The following TMEM117 variants were observed in gnomAD, a reference collection of about 807,000 sequenced individuals.
TMEM117 encodes transmembrane protein 117.
Under a neutral mutation model 52.4 loss-of-function variants are expected in TMEM117, and 27 were observed. The ratio of observed to expected loss-of-function variants is 0.51; its 90% CI spans 0.38 to 0.71. The LOEUF is 0.71. Among genes scored for constraint, TMEM117 ranks in the 30% least tolerant of loss-of-function variants. The pLI is 0.00. For synonymous variants in TMEM117, 215 were observed against 206.3 expected (o/e 1.04, Z -0.36); for missense variants, 556 against 630.5 (o/e 0.88, Z 1.26).
intron 2 of TMEM117, among the ~76,000 whole-genome samples, chr12:43,911,815 T>A (rs1158805737): frequency 1.3e-5 from 1 of 77,826 alleles, no homozygotes; most frequent in African/African-American, 2.9e-5. Flanking sequence ...TCACACCAGT[T>A]AGAATGGCAA....
At chr12:43,815,705 C>T in the TMEM117 span, among the ~76,000 whole-genome samples, 1 of 152,238 alleles carries the variant, frequency 6.6e-6, no homozygotes, top group South Asian at 2.1e-4. Context: ...GCTGCCTTTT[C>T]ACGTATGCTG....
intron 7 of TMEM117, among the ~76,000 whole-genome samples, chr12:44,380,537 A>G (rs1220375563): frequency 6.6e-6 from 1 of 152,162 alleles, no homozygotes; most frequent in African/African-American, 2.4e-5. Flanking sequence ...GGTTGGATAC[A>G]TGGGCTCTAG....
the TMEM117 span, chr12:43,802,463 C>T: frequency 1.2e-6 from 2 of 1,600,080 alleles, no homozygotes; most frequent in African/African-American, 2.7e-5. Flanking sequence ...TCACAAGTTG[C>T]TCTATGAAAA....
chr12:43,995,771 A>G (rs1946020487), intron 3 of TMEM117, among the ~76,000 whole-genome samples: 1 of 152,212 alleles, frequency 6.6e-6, no homozygotes, highest in Admixed American at 6.5e-5. Flanking sequence ...AAGAAAACAG[A>G]CTAATAATCC....
intron 2 of TMEM117, among the ~76,000 whole-genome samples, chr12:43,891,367 A>ATTTTTTTTTTTTTTTTTTTTTTTTTTTTT (rs772754829): frequency 1.7e-5 from 1 of 57,804 alleles, no homozygotes; most frequent in African/African-American, 5.9e-5. Context: ...TACCTCTTGA[A>ATTTTTTTTTTTTTTTTTTTTTTTTTTTTT]TTTTTTTTTT....
chr12:44,213,343 A>T (rs1949671858), intron 5 of TMEM117, among the ~76,000 whole-genome samples: 1 of 152,200 alleles, frequency 6.6e-6, no homozygotes, highest in Admixed American at 6.5e-5. Flanking sequence ...ATTAATGTTC[A>T]TTCTTGTTTA....
At chr12:43,808,070 G>T in the TMEM117 span, among the ~76,000 whole-genome samples, 1 of 152,220 alleles carries the variant, frequency 6.6e-6, no homozygotes, top group Non-Finnish European at 1.5e-5. Context: ...TGGGAAGTCA[G>T]CAGGTTTCAA....
rs189564624 is a variant in TMEM117 at position 44,384,509 on chromosome 12, T to G, written c.899-3517T>G. Among the ~76,000 whole-genome samples, 146 of 152,204 alleles carry G rather than the reference T, an allele frequency of 9.6e-4. 1 individual carries two copies. Among genetic ancestry groups the G allele is most frequent in the African/African-American group, 3.1e-3 (129 of 41,540 alleles). ...TCAAAATTCATAGATATAAAAGGTCTTTCCTCAGGGCCAATACTACTGCAA... is the reference window on the plus strand; with the variant it reads ...TCAAAATTCATAGATATAAAAGGTCGTTCCTCAGGGCCAATACTACTGCAA... On this transcript the variant is annotated intron_variant, in intron 7 of 7. Coordinates refer to ENST00000266534, the MANE Select transcript of TMEM117 (RefSeq NM_032256.3).
At chr12:43,917,579 C>T (rs1292088347) in intron 2 of TMEM117, among the ~76,000 whole-genome samples, 4 of 152,144 alleles carry the variant, frequency 2.6e-5, no homozygotes, top group Non-Finnish European at 5.9e-5. Flanking sequence ...CCATCTGTCT[C>T]CCAAGCCCTC....
intron 4 of TMEM117, among the ~76,000 whole-genome samples, chr12:44,195,202 T>C (rs2138352887): frequency 6.6e-6 from 1 of 152,272 alleles, no homozygotes; most frequent in Middle Eastern, 3.4e-3. Context: ...GATTCCCAGC[T>C]CATTCAGCTT....
At chr12:44,299,429 G>C in intron 5 of TMEM117, 151 bp from the exon 6 acceptor site, 1 of 1,011,848 alleles carries the variant, frequency 9.9e-7, no homozygotes, top group Non-Finnish European at 1.4e-6. Flanking sequence ...CACCATGCCC[G>C]GCCAACTTTT....
intron 4 of TMEM117, among the ~76,000 whole-genome samples, chr12:44,198,300 A>G (rs1356725601): frequency 1.3e-5 from 2 of 152,196 alleles, no homozygotes; most frequent in Non-Finnish European, 2.9e-5. Flanking sequence ...AGTGTCAAAG[A>G]CATGAAATTT....
chr12:44,315,712 A>G (rs1324366820), intron 6 of TMEM117, among the ~76,000 whole-genome samples: 1 of 152,126 alleles, frequency 6.6e-6, no homozygotes. Context: ...ATATAGGAGT[A>G]TTTGTATTAT....
chr12:43,802,615 G>T, the TMEM117 span: 1 of 613,682 alleles, frequency 1.6e-6, no homozygotes, highest in Non-Finnish European at 2.8e-6. Context: ...AACATAGAAA[G>T]TAATTATGAC....
chr12:44,015,106 G>A (rs1379503064), intron 3 of TMEM117, among the ~76,000 whole-genome samples: 1 of 152,012 alleles, frequency 6.6e-6, no homozygotes, highest in Non-Finnish European at 1.5e-5. Context: ...AGTTACCATA[G>A]GAAATTTTTT....
At chr12:44,026,826 T>C (rs965194452) in intron 3 of TMEM117, among the ~76,000 whole-genome samples, 8 of 152,038 alleles carry the variant, frequency 5.3e-5, no homozygotes, top group Admixed American at 5.2e-4. Flanking sequence ...TTTCTGTTTG[T>C]ATATATCCTT....
At chr12:44,207,053 G>T (rs1949578166) in intron 4 of TMEM117, among the ~76,000 whole-genome samples, 1 of 152,142 alleles carries the variant, frequency 6.6e-6, no homozygotes, top group Non-Finnish European at 1.5e-5. Context: ...AATATTGAAT[G>T]AAGTCAGTAT....
chr12:43,906,168 G>C (rs2137517608), intron 2 of TMEM117, among the ~76,000 whole-genome samples: 1 of 152,204 alleles, frequency 6.6e-6, no homozygotes. Context: ...GTTAAACAAA[G>C]ATGGCAGAAT....
At chr12:43,938,692 G>GA (rs1032214919) in intron 2 of TMEM117, among the ~76,000 whole-genome samples, 2 of 151,964 alleles carry the variant, frequency 1.3e-5, no homozygotes, top group Admixed American at 6.6e-5. Flanking sequence ...ACAGACATGA[G>GA]AAAAAAAGAT....
Sources: gnomAD v4.1 joint callset for allele counts (sites outside exome capture counted in the v4.1 genomes callset) on GRCh38, gnomAD v4.1.1 for gene constraint, MANE v1.5 for transcripts, NCBI Gene and HGNC (gene_info 2026-07-23, HGNC 2026-07-21) for gene names.